Variants in GSG1L observed in about 807,000 individuals in gnomAD.
GSG1L encodes the protein germ cell-specific gene 1-like protein.
In GSG1L, 24 loss-of-function variants were observed where a neutral mutation model predicts 42.1. The observed-to-expected ratio is 0.57, with a 90% confidence interval of 0.41 to 0.80. The LOEUF is 0.80. GSG1L is among the 30% of genes least tolerant of loss of function. GSG1L has a pLI of 0.00. For synonymous variants in GSG1L, 215 were observed against 203.5 expected (o/e 1.06, Z -0.48); for missense variants, 445 against 472.2 (o/e 0.94, Z 0.53).
chr16:27,929,306 T>A (rs2084630894), intron 2 of GSG1L, among the ~76,000 whole-genome samples: 1 of 152,168 alleles, frequency 6.6e-6, no homozygotes, highest in Non-Finnish European at 1.5e-5. Context: ...GGTTTGGGAT[T>A]GGTCTTGCTC....
intron 2 of GSG1L, among the ~76,000 whole-genome samples, chr16:27,925,751 C>T (rs1388734630): frequency 5.3e-5 from 8 of 152,058 alleles, no homozygotes; most frequent in African/African-American, 1.2e-4. Flanking sequence ...GGACAGGAAC[C>T]GAGGGGCTGG....
intron 1 of GSG1L, among the ~76,000 whole-genome samples, chr16:28,031,050 G>A (rs1248749722): frequency 2.8e-5 from 4 of 141,574 alleles, no homozygotes; most frequent in Admixed American, 7.0e-5. Flanking sequence ...GATGAATGGG[G>A]TGGAATGGGA....
intron 1 of GSG1L, among the ~76,000 whole-genome samples, chr16:27,985,192 A>G (rs983879462): frequency 1.3e-5 from 2 of 152,004 alleles, no homozygotes; most frequent in Non-Finnish European, 2.9e-5. Context: ...TAGAGTCTGG[A>G]TGTTTGTCCC....
chr16:27,862,083 A>G (rs1937827352), intron 3 of GSG1L, among the ~76,000 whole-genome samples: 1 of 152,058 alleles, frequency 6.6e-6, no homozygotes, highest in Non-Finnish European at 1.5e-5. Context: ...TGAAGGAGCA[A>G]CTCTAAGGTG....
intron 1 of GSG1L, among the ~76,000 whole-genome samples, chr16:27,967,746 C>T (rs2085151163): frequency 6.6e-6 from 1 of 152,184 alleles, no homozygotes; most frequent in African/African-American, 2.4e-5. Flanking sequence ...AACCCCATCT[C>T]TGATAAAAAT....
At chr16:27,953,210 C>T (rs1029410971) in intron 2 of GSG1L, among the ~76,000 whole-genome samples, 2 of 152,200 alleles carry the variant, frequency 1.3e-5, no homozygotes, top group African/African-American at 4.8e-5. Context: ...CTGCCTCAAC[C>T]TCACAAGTAG....
chr16:27,987,686 C>T lies in GSG1L; in HGVS notation c.350-24483G>A, dbSNP rs567988483. On this transcript the variant is annotated intron_variant, in intron 1 of 6. Coordinates refer to ENST00000447459, the MANE Select transcript of GSG1L (RefSeq NM_001109763.2). ...CTTGTGGGCTGGTCGTGGTGGCTCA[C>T]GCCTGTAATCCCAGCACTTTGGGAG... is the stretch of plus-strand genomic sequence containing the variant. 1.4e-4 allele frequency among the ~76,000 whole-genome samples: 22 copies of T among 152,216 alleles called. No homozygotes were observed. In the South Asian group the frequency reaches 2.1e-3, roughly 14 times the overall value.
At chr16:27,906,503 G>T (rs2084322820) in intron 2 of GSG1L, among the ~76,000 whole-genome samples, 1 of 152,122 alleles carries the variant, frequency 6.6e-6, no homozygotes, top group Non-Finnish European at 1.5e-5. Flanking sequence ...GAGGTGTTGA[G>T]ATGTTAGTGT....
chr16:27,957,146 C>T (rs138331581), intron 2 of GSG1L, among the ~76,000 whole-genome samples: 2,759 of 152,104 alleles, frequency 0.018, 89 homozygotes, highest in African/African-American at 0.063. Flanking sequence ...GTCAGGAGGT[C>T]GAGATCAGCC....
At chr16:27,803,200 C>G (rs1049823932) in intron 6 of GSG1L, among the ~76,000 whole-genome samples, 4 of 152,098 alleles carry the variant, frequency 2.6e-5, no homozygotes, top group African/African-American at 9.7e-5. Context: ...TGCTGTCCCC[C>G]CAGCTCCACG....
chr16:27,966,014 T>C (rs1375654660), intron 1 of GSG1L, among the ~76,000 whole-genome samples: 2 of 152,168 alleles, frequency 1.3e-5, no homozygotes, highest in African/African-American at 4.8e-5. Flanking sequence ...TCCTGTCATT[T>C]TGGTCTCCTT....
intron 5 of GSG1L, among the ~76,000 whole-genome samples, chr16:27,822,342 C>A (rs749883804): frequency 6.6e-6 from 1 of 152,172 alleles, no homozygotes; most frequent in Non-Finnish European, 1.5e-5. Context: ...GTCAGCCAGG[C>A]GCTCAAACAG....
rs143163161 is a variant in GSG1L at position 27,934,898 on chromosome 16, T to C, written c.397+28258A>G. On this transcript the variant is annotated intron_variant, in intron 2 of 6. Transcript: ENST00000447459. ...TCTGGAATGTAGCTCACATATTTTC[T>C]GGGCACCTACTGGATGCCAAGCACC... Among the ~76,000 whole-genome samples, 254 of 152,328 alleles carry C rather than the reference T, an allele frequency of 1.7e-3. 3 individuals carry two copies. Among genetic ancestry groups the C allele is most frequent in the Middle Eastern group, 0.01 (3 of 294 alleles).
intron 3 of GSG1L, among the ~76,000 whole-genome samples, chr16:27,857,803 T>G (rs2083598628): frequency 6.6e-6 from 1 of 152,092 alleles, no homozygotes; most frequent in African/African-American, 2.4e-5. Context: ...CTCCAAGACG[T>G]CCAGTTAAAT....
At chr16:27,807,983 C>T (rs1194600598) in intron 5 of GSG1L, among the ~76,000 whole-genome samples, 1 of 152,136 alleles carries the variant, frequency 6.6e-6, no homozygotes, top group Non-Finnish European at 1.5e-5. Flanking sequence ...GGTGATTATC[C>T]CTACATAATG....
At chr16:27,935,542 C>T (rs987279785) in intron 2 of GSG1L, among the ~76,000 whole-genome samples, 11 of 152,104 alleles carry the variant, frequency 7.2e-5, no homozygotes, top group Non-Finnish European at 1.6e-4. Flanking sequence ...TGCTGAGGCT[C>T]TCCCCAAGAT....
intron 1 of GSG1L, among the ~76,000 whole-genome samples, chr16:27,975,760 C>T (rs1200110252): frequency 1.3e-5 from 2 of 152,160 alleles, no homozygotes; most frequent in Non-Finnish European, 2.9e-5. Context: ...CTCTTAAGTT[C>T]CCAATGTCAA....
At chr16:27,870,413 CCTT>C (rs1158376580) in intron 3 of GSG1L, among the ~76,000 whole-genome samples, 1 of 151,008 alleles carries the variant, frequency 6.6e-6, no homozygotes, top group East Asian at 1.9e-4. Flanking sequence ...ATCTCTCTCT[CCTT>C]CTCTCTCTGT....
At position 28,000,799 on chromosome 16, in the gene GSG1L, C is replaced by T. The variant is rs146569738; in HGVS notation, c.350-37596G>A. ...CTCCTCTCCTCCTCCTACAACCTTC[C>T]CCCAACAGTGTTAGCCCTTTGACCT... On this transcript the variant is annotated intron_variant, in intron 1 of 6. Transcript: ENST00000447459. 5.9e-5 allele frequency among the ~76,000 whole-genome samples: 9 copies of T among 152,206 alleles called. 1 individual carries two copies. The highest frequency in any genetic ancestry group is 2.2e-4 in the African/African-American group (9 of 41,534).
Sources: gnomAD v4.1 joint callset for allele counts (sites outside exome capture counted in the v4.1 genomes callset) on GRCh38, gnomAD v4.1.1 for gene constraint, MANE v1.5 for transcripts, NCBI Gene and HGNC (gene_info 2026-07-23, HGNC 2026-07-21) for gene names.